The following TBC1D22A variants were observed in gnomAD, a reference collection of about 807,000 sequenced individuals.
TBC1D22A encodes the protein TBC1 domain family member 22A, also known as putative GTPase activator.
In TBC1D22A, 38 loss-of-function variants were observed where a neutral mutation model predicts 60.2. The ratio of observed to expected loss-of-function variants is 0.63; its 90% confidence interval spans 0.49 to 0.83. The LOEUF (loss-of-function observed/expected upper bound fraction) is 0.83. Among genes scored for constraint, TBC1D22A ranks in the 40% least tolerant of loss-of-function variants. TBC1D22A has a pLI of 0.00. For synonymous variants in TBC1D22A, 302 were observed against 281.7 expected (o/e 1.07, Z -0.72); for missense variants, 628 against 701.0 (o/e 0.90, Z 1.18).
intron 11 of TBC1D22A, among the ~76,000 whole-genome samples, chr22:47,083,017 C>T (rs2064533248): frequency 6.6e-6 from 1 of 152,270 alleles, no homozygotes; most frequent in East Asian, 1.9e-4. Flanking sequence ...TCAATGACAA[C>T]GTGGATGAAT....
intron 5 of TBC1D22A, among the ~76,000 whole-genome samples, chr22:46,889,336 A>C (rs1001492842): frequency 3.9e-5 from 6 of 152,168 alleles, no homozygotes; most frequent in African/African-American, 1.2e-4. Context: ...ACCACACCCA[A>C]CTGCATGGCT....
intron 8 of TBC1D22A, among the ~76,000 whole-genome samples, chr22:46,920,829 C>T (rs1007065629): frequency 6.6e-5 from 10 of 150,924 alleles, no homozygotes; most frequent in Non-Finnish European, 1.3e-4. Context: ...GGAGTGCAGT[C>T]GTGCGATATC....
At chr22:46,910,411 A>G (rs1461521671) in intron 7 of TBC1D22A, among the ~76,000 whole-genome samples, 3 of 152,150 alleles carry the variant, frequency 2.0e-5, no homozygotes, top group Middle Eastern at 3.2e-3. Flanking sequence ...GATTGTAGGC[A>G]GGGTAGGAAG....
At chr22:46,830,391 C>A (rs544423879) in intron 4 of TBC1D22A, among the ~76,000 whole-genome samples, 1 of 152,200 alleles carries the variant, frequency 6.6e-6, no homozygotes, top group Non-Finnish European at 1.5e-5. Context: ...TTTCCAGCAG[C>A]CCTCAGATCT....
chr22:47,064,229 C>T (rs905938421), intron 11 of TBC1D22A, among the ~76,000 whole-genome samples: 9 of 152,254 alleles, frequency 5.9e-5, no homozygotes, highest in Non-Finnish European at 1.3e-4. Context: ...TGAACTGGCC[C>T]TCCTCTCCCG....
At chr22:46,801,840 G>A (rs186846350) in intron 4 of TBC1D22A, among the ~76,000 whole-genome samples, 101 of 152,348 alleles carry the variant, frequency 6.6e-4, no homozygotes, top group African/African-American at 2.4e-3. Flanking sequence ...TTATGAGAGC[G>A]TGCTGATAGA....
At position 46,915,264 on chromosome 22, in the gene TBC1D22A, G is replaced by A. The variant is rs143123186; in HGVS notation, c.1015+3076G>A. The A allele has an allele frequency of 5.3e-3, 2,050 of 389,852 alleles. 51 individuals carry two copies. The highest frequency in any genetic ancestry group is 0.039 in the African/African-American group (1,865 of 47,890). The allele number at this position is 389,852 out of a possible 1,614,324, so 24.1% of individuals were successfully genotyped here. A position where few individuals can be genotyped will look rare whatever the true frequency, so the allele number is the denominator to read the frequency against. On this transcript the variant is annotated intron_variant, in intron 8 of 12. Transcript: ENST00000337137. ...CCAGGGACCCGCAGGGTCCAGCACC[G>A]GCAGAGGCACGGGTGCCCTCCAGAG...
intron 11 of TBC1D22A, among the ~76,000 whole-genome samples, chr22:47,067,940 T>C (rs2063833608): frequency 6.6e-6 from 1 of 152,242 alleles, no homozygotes; most frequent in Admixed American, 6.5e-5. Context: ...TCGGACTCCA[T>C]GTGTTCTAGT....
chr22:47,036,578 C>G (rs1470724677), intron 10 of TBC1D22A, among the ~76,000 whole-genome samples: 1 of 152,196 alleles, frequency 6.6e-6, no homozygotes, highest in Non-Finnish European at 1.5e-5. Context: ...GCCTGCAGGC[C>G]TTGTGTCCCA....
chr22:46,797,507 C>T lies in TBC1D22A; in HGVS notation c.524C>T (p.Thr175Met), dbSNP rs141698918. The T allele has an allele frequency of 1.7e-3, 2,715 of 1,614,066 alleles. 17 individuals carry two copies. In the African/African-American group the frequency reaches 0.017, roughly 10 times the overall value. The part of the protein sequence containing the change: ...SQSLPHSATV[T>M]LGGTSDPSTL... ...TCTCTCCCACACTCGGCCACCGTCA[C>T]GCTGGGTGGCACATCTGACCCCAGC... Residue 175 changes from threonine to methionine, a missense_variant, in exon 4 of 13, where the codon ACG (threonine) becomes ATG (methionine). Physicochemically the swap from Thr to Met is moderately conservative, Grantham distance 81. Transcript: ENST00000337137.
intron 10 of TBC1D22A, among the ~76,000 whole-genome samples, chr22:47,027,702 C>G (rs1262658535): frequency 6.6e-6 from 1 of 152,200 alleles, no homozygotes; most frequent in African/African-American, 2.4e-5. Context: ...GGAATAATGG[C>G]CAAACCCTCA....
chr22:46,932,015 C>G (rs1002809049), intron 8 of TBC1D22A, among the ~76,000 whole-genome samples: 2 of 152,184 alleles, frequency 1.3e-5, no homozygotes, highest in African/African-American at 4.8e-5. Context: ...CAGATTGATT[C>G]ATTGTCGAGG....
chr22:47,037,259 G>A (rs1291241961), intron 11 of TBC1D22A, 61 bp downstream of exon 11: 31 of 1,599,822 alleles, frequency 1.9e-5, no homozygotes, highest in South Asian at 1.4e-4. Context: ...GTTTCCTGTC[G>A]CCTTCTGCCC....
chr22:47,135,268 G>A (rs1312051334), intron 12 of TBC1D22A, among the ~76,000 whole-genome samples: 4 of 152,204 alleles, frequency 2.6e-5, no homozygotes, highest in Admixed American at 6.5e-5. Context: ...ACGGTCCTTC[G>A]ATGAGGGTCT....
chr22:46,911,025 T>TG (rs1358694277), intron 7 of TBC1D22A, among the ~76,000 whole-genome samples: 1 of 151,018 alleles, frequency 6.6e-6, no homozygotes, highest in East Asian at 1.9e-4. Context: ...CTGGGGGTGG[T>TG]GGGGGCTCTG....
At chr22:46,821,974 A>T (rs970685112) in intron 4 of TBC1D22A, among the ~76,000 whole-genome samples, 1 of 151,250 alleles carries the variant, frequency 6.6e-6, no homozygotes, top group Non-Finnish European at 1.5e-5. Flanking sequence ...TGCATACCTT[A>T]TTTCATTAAT....
chr22:47,046,894 TGTTCCCCAGGAGTGTAAG>T (rs1367948865), intron 11 of TBC1D22A, among the ~76,000 whole-genome samples: 2 of 152,166 alleles, frequency 1.3e-5, no homozygotes, highest in African/African-American at 4.8e-5. Context: ...CCTGGGAGCT[TGTTCCCCAGGAGTGTAAG>T]AAAGGCTGGC....
intron 4 of TBC1D22A, among the ~76,000 whole-genome samples, chr22:46,866,228 C>G (rs2337123): frequency 0.4 from 61,048 of 152,048 alleles, 12,319 homozygotes; most frequent in Non-Finnish European, 0.41. Context: ...CTTCAGCCTC[C>G]CAAGTAGCTG....
Position 46,913,322 on chromosome 22 carries a change from T to C in TBC1D22A, c.1015+1134T>C, listed in dbSNP as rs1389687620. On this transcript the variant is annotated intron_variant, in intron 8 of 12. Transcript: ENST00000337137. ...TTGGTGCTCGCCTGTTGTTATTACATGGTGTTTTTAGCCTTTCCAGGTTGT... is the reference window on the plus strand; with the variant it reads ...TTGGTGCTCGCCTGTTGTTATTACACGGTGTTTTTAGCCTTTCCAGGTTGT... 2.2e-6 allele frequency: 3 copies of C among 1,365,778 alleles called. No individual in the cohort carries two copies. The South Asian group carries it at 3.4e-5, about 16-fold the overall frequency. The allele number at this position is 1,365,778 out of a possible 1,614,324, so 84.6% of individuals were successfully genotyped here.
Sources: gnomAD v4.1 joint callset for allele counts (sites outside exome capture counted in the v4.1 genomes callset) on GRCh38, gnomAD v4.1.1 for gene constraint, MANE v1.5 for transcripts, NCBI Gene and HGNC (gene_info 2026-07-23, HGNC 2026-07-21) for gene names.